MDC1: variants seen among roughly 807,000 people sequenced by gnomAD.
MDC1 encodes the protein mediator of DNA damage checkpoint 1.
A neutral mutation model predicts 142.5 loss-of-function variants in MDC1; 81 were observed. The observed-to-expected ratio is 0.57, with a 90% CI of 0.47 to 0.68. The LOEUF (loss-of-function observed/expected upper bound fraction) is 0.68, where lower values mean the gene tolerates loss of function less well. Among genes scored for constraint, MDC1 ranks in the 30% least tolerant of loss-of-function variants. MDC1 has a pLI of 0.00. For missense variants in MDC1, 2,119 were observed against 2,547.9 expected, an observed-to-expected ratio of 0.83 and a Z score of 3.62; for synonymous variants, 797 against 968.4, an observed-to-expected ratio of 0.82 and a Z score of 3.29.
rs768916945 is a variant in MDC1, at chr6:30,700,522, C to T, written c.6213G>A (p.Lys2071=). 4.3e-6 allele frequency: 7 copies of T among 1,612,888 alleles called. No individual in the cohort carries two copies. The highest frequency in any genetic ancestry group is 5.9e-6 in the Non-Finnish European group (7 of 1,180,024). ...CAAAGGCCTCTGGCTTGGCTTCCTG[C>T]TTCAGCACTCCAGTCAGCAGGAACT... The part of the protein sequence containing the change: ...SPEFLLTGVL[K]QEAKPEAFVL... Residue 2071 remains lysine (K), a synonymous_variant, in exon 15 of 15, where the codon AAG becomes AAA. Coordinates refer to ENST00000376406, the MANE Select transcript of MDC1 (RefSeq NM_014641.3).
In MDC1 at chr6:30,700,009, C is replaced by T. The variant is rs1225005296; in HGVS notation, c.*456G>A. ...AATCTACTCACTCCAAGCATCCCTT[C>T]AAGTTCCTGACCCCAAAGTAAGAAT... On this transcript the variant is annotated 3_prime_UTR_variant, in exon 15 of 15. Coordinates refer to ENST00000376406, the MANE Select transcript of MDC1 (RefSeq NM_014641.3). The T allele has an allele frequency of 1.3e-5, 3 of 229,570 alleles. No homozygotes were observed. In the East Asian group the frequency reaches 1.9e-4, roughly 14 times the overall value. 14.2% of individuals were successfully genotyped at this position (229,570 alleles called of 1,614,324 possible).
In MDC1 at chr6:30,700,576, T is replaced by C. The variant is rs1365675599; in HGVS notation, c.6159A>G (p.Leu2053=). The change falls in exon 15 of 15, where the codon CTA becomes CTG. Residue 2053 remains leucine (L), a synonymous_variant. Transcript: ENST00000376406. ...PQDFPHCSIP[L]RVGLPLLSPE... ...GCGAGAGGAGGGGCAGCCCAACCCG[T>C]AGTGGAATGGAGCAATGAGGGAAGT... is the stretch of plus-strand genomic sequence containing the variant. 3.1e-6 allele frequency: 5 copies of C among 1,612,706 alleles called. No homozygotes were observed. The highest frequency in any genetic ancestry group is 4.2e-6 in the Non-Finnish European group (5 of 1,179,964).
rs1775503887 is a variant in MDC1 at position 30,715,277 on chromosome 6, T to C, written c.-3-99A>G. 3.3e-6 allele frequency: 4 copies of C among 1,206,042 alleles called. No homozygotes were observed. In the Admixed American group the frequency reaches 5.4e-5, roughly 16 times the overall value. 74.7% of individuals were successfully genotyped at this position (1,206,042 alleles called of 1,614,324 possible). On this transcript the variant is annotated intron_variant, in intron 1 of 14. Coordinates refer to ENST00000376406, the MANE Select transcript of MDC1 (RefSeq NM_014641.3). The surrounding 1 kb of genome is among the most constrained non-coding windows in gnomAD (Gnocchi z 4.1). ...AACTAGGGGGTAAACTGGATCATTATGAACGTTGATGCTTCTCTTTCCACC... is the reference window on the plus strand; with the variant it reads ...AACTAGGGGGTAAACTGGATCATTACGAACGTTGATGCTTCTCTTTCCACC...
intron 7 of MDC1, among the ~76,000 whole-genome samples, chr6:30,710,812 G>A (rs1418343416): frequency 6.7e-6 from 1 of 148,214 alleles, no homozygotes; most frequent in Non-Finnish European, 1.5e-5. Flanking sequence ...AAGAGACATT[G>A]GGGGTGGGGG....
At chr6:30,710,108 A>T (rs533808774) in intron 7 of MDC1, among the ~76,000 whole-genome samples, 1 of 151,808 alleles carries the variant, frequency 6.6e-6, no homozygotes, top group South Asian at 2.1e-4. Context: ...TTATTATTAG[A>T]GATGAAGTCT....
At position 30,715,963 on chromosome 6, in the gene MDC1, A is replaced by G. The variant is rs1157478652; in HGVS notation, c.-3-785T>C. On this transcript the variant is annotated intron_variant, in intron 1 of 14. Transcript: ENST00000376406. This position sits in a 1 kb window ranked among gnomAD's most constrained non-coding sequence, Gnocchi z 4.1. ...ATCACTCAGATGTCTCTCCTCTAAA[A>G]TCTTGATGGTTTTTCGTGCACACAG... Among the ~76,000 whole-genome samples the G allele has an allele frequency of 6.6e-6, 1 of 152,116 alleles. No homozygotes were observed. Among genetic ancestry groups the G allele is most frequent in the Non-Finnish European group, 1.5e-5 (1 of 68,014 alleles).
In MDC1 at chr6:30,712,138, C is replaced by T; in HGVS notation, c.1804G>A (p.Ala602Thr). 2 of 1,611,642 alleles carry T rather than the reference C, an allele frequency of 1.2e-6. No individual in the cohort carries two copies. The highest frequency in any genetic ancestry group is 1.1e-5 in the South Asian group (1 of 90,872). ...VADVRKSQLP[A>T]EGDAGAEWAA... ...CACTCTGCCCCAGCATCCCCTTCTG[C>T]TGGAAGCTGGCTCTTTCTTACATCT... The change falls in exon 5 of 15, where the codon GCA becomes ACA. Residue 602 changes from alanine (A) to threonine (T), a missense_variant. Transcript: ENST00000376406. This position sits in a 1 kb window ranked among gnomAD's most constrained non-coding sequence, Gnocchi z 4.7.
chr6:30,714,632 TC>T (rs1775406411), intron 2 of MDC1, among the ~76,000 whole-genome samples: 1 of 151,950 alleles, frequency 6.6e-6, no homozygotes, highest in African/African-American at 2.4e-5. Context: ...TGGCTCAGCC[TC>T]CCAAGTAGGT....
At chr6:30,700,679 G>C in intron 14 of MDC1, 47 bp from the exon 15 acceptor site, 1 of 1,606,112 alleles carries the variant, frequency 6.2e-7, no homozygotes, top group Non-Finnish European at 8.5e-7. Context: ...AAGAATCCTA[G>C]AAATGGGTTC....
intron 14 of MDC1, among the ~76,000 whole-genome samples, chr6:30,701,537 C>T (rs1419028626): frequency 6.6e-6 from 1 of 152,066 alleles, no homozygotes; most frequent in Non-Finnish European, 1.5e-5. Flanking sequence ...AAATTCCAGA[C>T]TGAGGAACAT....
Position 30,715,442 on chromosome 6 carries a change from A to C in MDC1, c.-3-264T>G, listed in dbSNP as rs1775526400. On this transcript the variant is annotated intron_variant, in intron 1 of 14. Coordinates refer to ENST00000376406, the MANE Select transcript of MDC1 (RefSeq NM_014641.3). This position sits in a 1 kb window ranked among gnomAD's most constrained non-coding sequence, Gnocchi z 4.1. The stretch of plus-strand genomic sequence containing the variant: ...AACCTCTGCCTCCCGGGTTTCAAGC[A>C]ATTCTCTCACCTCAGCCTCCCAAGT... 6.6e-6 allele frequency among the ~76,000 whole-genome samples: 1 copy of C among 152,116 alleles called. No homozygotes were observed. The highest frequency in any genetic ancestry group is 6.5e-5 in the Admixed American group (1 of 15,270).
At position 30,715,664 on chromosome 6, in the gene MDC1, C is replaced by T. The variant is rs772275651; in HGVS notation, c.-3-486G>A. ...GTTTTTCTTTCTTTTTTAGCCCATGCTTTTTATACTTTTACCAGACCACCT... is the reference window on the plus strand; with the variant it reads ...GTTTTTCTTTCTTTTTTAGCCCATGTTTTTTATACTTTTACCAGACCACCT... On this transcript the variant is annotated intron_variant, in intron 1 of 14. Transcript: ENST00000376406. This position sits in a 1 kb window ranked among gnomAD's most constrained non-coding sequence, Gnocchi z 4.1. Among the ~76,000 whole-genome samples, 2 of 152,094 alleles carry T rather than the reference C, an allele frequency of 1.3e-5. No individual in the cohort carries two copies. The highest frequency in any genetic ancestry group is 2.9e-5 in the Non-Finnish European group (2 of 68,014).
In MDC1 at chr6:30,707,997, T is replaced by C; in HGVS notation, c.2582A>G (p.Gln861Arg). ...GGTGTCTCTAGCTAACAACTGTTTT[T>C]GTTCTCTGTCCTGTTTCCCCTTGGT... is the stretch of plus-strand genomic sequence containing the variant. Reference protein sequence around the residue: ...ELTKGKQDREQKQLLARDTQR... With the variant: ...ELTKGKQDRERKQLLARDTQR... The change falls in exon 8 of 15, where the codon CAA becomes CGA. Residue 861 changes from glutamine (Q) to arginine (R), a missense_variant. Gln to Arg is a conservative substitution (Grantham distance 43). Coordinates refer to ENST00000376406, the MANE Select transcript of MDC1 (RefSeq NM_014641.3). The C allele has an allele frequency of 6.2e-7, 1 of 1,613,122 alleles. No homozygotes were observed. The highest frequency in any genetic ancestry group is 8.5e-7 in the Non-Finnish European group (1 of 1,180,034).
Position 30,705,336 on chromosome 6 carries a change from G to C in MDC1, c.3847C>G (p.Pro1283Ala). The C allele has an allele frequency of 1.3e-6, 2 of 1,533,634 alleles. No homozygotes were observed. The highest frequency in any genetic ancestry group is 1.8e-6 in the Non-Finnish European group (2 of 1,137,308). The stretch of plus-strand genomic sequence containing the variant: ...AGCTCAGGGGCTGTGGGCACAACTG[G>C]TTCAGGGGTCTTGACAGAGGATCTA... ...KNRSSVKTPE[P>A]VVPTAPELRP... is the part of the protein sequence containing the mutation. Residue 1283 changes from proline (P) to alanine (A), a missense_variant, in exon 10 of 15, where the codon CCA becomes GCA. Coordinates refer to ENST00000376406, the MANE Select transcript of MDC1 (RefSeq NM_014641.3).
chr6:30,700,877 T>G (rs1772514859), intron 14 of MDC1, among the ~76,000 whole-genome samples: 1 of 126,740 alleles, frequency 7.9e-6, no homozygotes, highest in Non-Finnish European at 1.6e-5. Context: ...AAGACCACGG[T>G]GAAACCCTGT....
In MDC1 at chr6:30,711,741, A is replaced by C; in HGVS notation, c.2069-15T>G. 6.2e-7 allele frequency: 1 copy of C among 1,607,432 alleles called. No individual in the cohort carries two copies. Among genetic ancestry groups the C allele is most frequent in the Non-Finnish European group, 8.5e-7 (1 of 1,177,680 alleles). ...ATCTTCAGAATCTGGTCGGGGAGGA[A>C]TATAAGACAGTTTAAAACAAAAATC... On this transcript the variant is annotated splice_polypyrimidine_tract_variant and intron_variant, in intron 5 of 14. Coordinates refer to ENST00000376406, the MANE Select transcript of MDC1 (RefSeq NM_014641.3).
chr6:30,708,870 A>G (rs1294073651), intron 7 of MDC1, among the ~76,000 whole-genome samples: 1 of 151,474 alleles, frequency 6.6e-6, no homozygotes, highest in Non-Finnish European at 1.5e-5. Context: ...AAAAAAAAAA[A>G]AAAAAACCCA....
At chr6:30,714,326 G>T in intron 2 of MDC1, 143 bp from the exon 3 acceptor site, 1 of 865,020 alleles carries the variant, frequency 1.2e-6, no homozygotes, top group Non-Finnish European at 1.7e-6. Flanking sequence ...TCTAGGCACT[G>T]AAAGAGTATA....
In MDC1 at chr6:30,703,188, G is replaced by A. The variant is rs754408053; in HGVS notation, c.5781C>T (p.Val1927=). Residue 1927 remains valine, a synonymous_variant, in exon 12 of 15, where the codon GTC becomes GTT. Coordinates refer to ENST00000376406, the MANE Select transcript of MDC1 (RefSeq NM_014641.3). This position sits in a 1 kb window ranked among gnomAD's most constrained non-coding sequence, Gnocchi z 4.4. ...AGSAAEASHL[V]TDRIRRTVKF... is the part of the protein sequence containing the mutation. ...TGACTGTCCGGCGGATGCGATCAGT[G>A]ACCAGGTGGGAAGCCTCTGCCGCTG... 1.9e-6 allele frequency: 3 copies of A among 1,613,056 alleles called. No individual in the cohort carries two copies. Among genetic ancestry groups the A allele is most frequent in the Middle Eastern group, 1.6e-4 (1 of 6,062 alleles).
Sources: gnomAD v4.1 joint callset for allele counts (sites outside exome capture counted in the v4.1 genomes callset) on GRCh38, gnomAD v4.1.1 for gene constraint, Gnocchi (gnomAD v3.1) non-coding constraint, MANE v1.5 for transcripts, NCBI Gene and HGNC (gene_info 2026-07-23, HGNC 2026-07-21) for gene names.